DTD1: variants seen among roughly 807,000 people sequenced by gnomAD.
DTD1 encodes D-aminoacyl-tRNA deacylase 1.
In DTD1, 13 loss-of-function variants were observed where a neutral mutation model predicts 25.6. The ratio of observed to expected loss-of-function variants is 0.51; its 90% CI spans 0.33 to 0.81. The LOEUF is 0.81. Among genes scored for constraint, DTD1 ranks in the 30% least tolerant of loss-of-function variants. The probability of loss-of-function intolerance (pLI) is 0.02; values close to 1 mark genes in which losing one functional copy is unlikely to be tolerated. For synonymous variants in DTD1, 110 were observed against 103.6 expected (o/e 1.06, Z -0.37); for missense variants, 193 against 266.4 (o/e 0.72, Z 1.92).
rs558968934 is a variant in DTD1 at position 18,731,546 on chromosome 20, C to T, written c.478-12554C>T. ...CCTTGTCCTCTTATCCATAAGCAAC[C>T]AGCTTGAACATATTTTAAGCAATTT... On this transcript the variant is annotated intron_variant, in intron 4 of 5. Transcript: ENST00000377452. Among the ~76,000 whole-genome samples, 5 of 152,338 alleles carry T rather than the reference C, an allele frequency of 3.3e-5. No individual in the cohort carries two copies. In the East Asian group the frequency reaches 9.6e-4, roughly 29 times the overall value.
At chr20:18,632,002 T>C in intron 4 of DTD1, 1 of 835,202 alleles carries the variant, frequency 1.2e-6, no homozygotes, top group South Asian at 5.5e-5. Flanking sequence ...AGTATCATAT[T>C]GTGCACTGGG....
intron 4 of DTD1, among the ~76,000 whole-genome samples, chr20:18,724,567 T>G (rs2061216766): frequency 6.6e-6 from 1 of 152,210 alleles, no homozygotes; most frequent in Non-Finnish European, 1.5e-5. Flanking sequence ...AAATTTCATT[T>G]GTAAGTAGTA....
intron 4 of DTD1, among the ~76,000 whole-genome samples, chr20:18,673,674 T>G (rs1442171723): frequency 6.6e-6 from 1 of 152,188 alleles, no homozygotes; most frequent in Non-Finnish European, 1.5e-5. Context: ...TATTTCTAGT[T>G]TGGGCTCCGG....
At chr20:18,660,135 G>A (rs2060904193) in intron 4 of DTD1, among the ~76,000 whole-genome samples, 1 of 152,126 alleles carries the variant, frequency 6.6e-6, no homozygotes, top group Non-Finnish European at 1.5e-5. Flanking sequence ...CTACTCGGGA[G>A]GGTGGAGGTT....
intron 5 of DTD1, among the ~76,000 whole-genome samples, chr20:18,750,086 C>T (rs1465214950): frequency 6.6e-6 from 1 of 152,156 alleles, no homozygotes. Flanking sequence ...CACAACTAGC[C>T]GAGGACCAGA....
At chr20:18,623,443 C>A (rs1183718643) in intron 3 of DTD1, among the ~76,000 whole-genome samples, 1 of 151,796 alleles carries the variant, frequency 6.6e-6, no homozygotes, top group Non-Finnish European at 1.5e-5. Context: ...TATTTGGTTT[C>A]TTTTCCTGGT....
chr20:18,657,987 T>C (rs971294149), intron 4 of DTD1, among the ~76,000 whole-genome samples: 1 of 152,178 alleles, frequency 6.6e-6, no homozygotes, highest in Non-Finnish European at 1.5e-5. Flanking sequence ...ACACAGGGCC[T>C]GAATACCAGG....
At chr20:18,763,281 C>G (rs1431447586) in intron 5 of DTD1, 79 bp from the exon 6 acceptor site, 3 of 152,624 alleles carry the variant, frequency 2.0e-5, no homozygotes, top group South Asian at 2.1e-4. Context: ...CTTAGTTACT[C>G]TTATATGCCT....
chr20:18,629,572 A>G (rs554200112), intron 4 of DTD1, among the ~76,000 whole-genome samples: 70 of 150,672 alleles, frequency 4.6e-4, no homozygotes, highest in Non-Finnish European at 6.9e-4. Context: ...CAAAGTGCTG[A>G]GATTACAGGC....
intron 4 of DTD1, among the ~76,000 whole-genome samples, chr20:18,728,556 C>A (rs911448262): frequency 4.1e-4 from 62 of 152,166 alleles, no homozygotes; most frequent in African/African-American, 1.4e-3. Context: ...GGACCAGCCT[C>A]AATTCCAAAC....
intron 4 of DTD1, among the ~76,000 whole-genome samples, chr20:18,685,447 G>A (rs939355439): frequency 6.6e-6 from 1 of 152,188 alleles, no homozygotes. Context: ...CTGTGGCCAT[G>A]GGTGGCTGTG....
chr20:18,688,399 A>G (rs1225573452), intron 4 of DTD1, among the ~76,000 whole-genome samples: 1 of 152,126 alleles, frequency 6.6e-6, no homozygotes, highest in East Asian at 1.9e-4. Flanking sequence ...GTGTCAGAGG[A>G]GTGTGAACCT....
Position 18,609,320 on chromosome 20 carries a change from A to AT in DTD1, c.370+13090dup, listed in dbSNP as rs921409909. Among the ~76,000 whole-genome samples the AT allele has an allele frequency of 4.8e-4, 69 of 143,176 alleles. 2 individuals carry two copies. In the South Asian group the frequency reaches 8.5e-3, roughly 18 times the overall value. The allele number at this position is 143,176 out of a possible 152,430, so 93.9% of individuals were successfully genotyped here. On this transcript the variant is annotated intron_variant, in intron 3 of 5. Coordinates refer to ENST00000377452, the MANE Select transcript of DTD1 (RefSeq NM_080820.6). ...ACCACACTCGGCTAATTTTTTTTGT[A>AT]TTTTTTTTTTTAGTAGAAATGGTGT...
At chr20:18,710,866 G>A (rs960920953) in intron 4 of DTD1, among the ~76,000 whole-genome samples, 20 of 152,120 alleles carry the variant, frequency 1.3e-4, no homozygotes, top group African/African-American at 4.6e-4. Context: ...TTGAATCATG[G>A]GCCCGTTTTC....
chr20:18,736,223 G>A (rs573009288), intron 4 of DTD1, among the ~76,000 whole-genome samples: 10 of 152,266 alleles, frequency 6.6e-5, no homozygotes, highest in African/African-American at 1.4e-4. Context: ...AGCAGACATC[G>A]TGTTCCTGTG....
At chr20:18,678,817 C>G (rs1308123398) in intron 4 of DTD1, 1 of 152,238 alleles carries the variant, frequency 6.6e-6, no homozygotes, top group African/African-American at 2.4e-5. Context: ...CTGCTCACCC[C>G]ACATCTATCA....
At chr20:18,645,969 C>T (rs1016038021) in intron 4 of DTD1, among the ~76,000 whole-genome samples, 5 of 152,252 alleles carry the variant, frequency 3.3e-5, no homozygotes, top group Non-Finnish European at 7.4e-5. Context: ...TTCCTTCATC[C>T]TTCCTAGAGA....
At chr20:18,614,813 C>T (rs1356198135) in intron 3 of DTD1, among the ~76,000 whole-genome samples, 1 of 152,018 alleles carries the variant, frequency 6.6e-6, no homozygotes, top group Non-Finnish European at 1.5e-5. Context: ...CTCCCTCTCT[C>T]CCTTCCTCCT....
intron 4 of DTD1, among the ~76,000 whole-genome samples, chr20:18,671,500 G>A (rs1301759566): frequency 1.3e-5 from 2 of 152,214 alleles, no homozygotes; most frequent in Non-Finnish European, 2.9e-5. Flanking sequence ...CTTCATAACC[G>A]AGAGGCTGAA....
Sources: gnomAD v4.1 joint callset for allele counts (sites outside exome capture counted in the v4.1 genomes callset) on GRCh38, gnomAD v4.1.1 for gene constraint, MANE v1.5 for transcripts, NCBI Gene and HGNC (gene_info 2026-07-23, HGNC 2026-07-21) for gene names.